The following DCLK2 variants were observed in gnomAD, a reference collection of about 807,000 sequenced individuals.
The protein encoded by DCLK2 is serine/threonine-protein kinase DCLK2.
DCLK2 carries 31 observed loss-of-function variants against 78.4 expected under a neutral mutation model. The ratio of observed to expected loss-of-function variants is 0.40; its 90% CI spans 0.30 to 0.53. The LOEUF is 0.53. Among genes scored for constraint, DCLK2 ranks in the 20% least tolerant of loss-of-function variants. The pLI, the probability that DCLK2 is intolerant of heterozygous loss-of-function variation, is 0.61. For synonymous variants in DCLK2, 407 were observed against 374.9 expected, an observed-to-expected ratio of 1.09 and a Z score of -0.99; for missense variants, 872 against 973.7, an observed-to-expected ratio of 0.90 and a Z score of 1.39.
Position 150,154,799 on chromosome 4 carries a change from A to G in DCLK2, c.757-38339A>G, listed in dbSNP as rs1266499796. 3.3e-5 allele frequency among the ~76,000 whole-genome samples: 5 copies of G among 152,220 alleles called. No homozygotes were observed. In the East Asian group the frequency reaches 9.6e-4, roughly 29 times the overall value. On this transcript the variant is annotated intron_variant, in intron 2 of 15. Coordinates refer to ENST00000296550, the MANE Select transcript of DCLK2 (RefSeq NM_001040260.4). ...TTACTGGAGTATAATTTTATATGCA[A>G]TAAAATGTACCAATTTTTACTGCAC... is the stretch of plus-strand genomic sequence containing the variant.
intron 12 of DCLK2, among the ~76,000 whole-genome samples, chr4:150,245,627 T>C (rs1462092132): frequency 2.6e-5 from 4 of 152,196 alleles, no homozygotes; most frequent in African/African-American, 9.7e-5. Context: ...GTTTGGTTTT[T>C]TGTCCTTGCG....
At position 150,232,399 on chromosome 4, in the gene DCLK2, G is replaced by A; in HGVS notation, c.1362G>A (p.Met454Ile). ...GAGTGAAACATCCCAATATCATTAT[G>A]CTGGTCGAGGAGATGGAAACAGCAA... The part of the protein sequence containing the change: ...LRRVKHPNII[M>I]LVEEMETATE... Residue 454 changes from methionine (M) to isoleucine (I), a missense_variant, in exon 9 of 16, where the codon ATG (methionine) becomes ATA (isoleucine). Around this residue, in one of 3 missense-constraint regions of DCLK2, gnomAD observed 567 missense variants for 593.4 expected, o/e 0.96. Transcript: ENST00000296550. 1.9e-6 allele frequency: 3 copies of A among 1,614,152 alleles called. No individual in the cohort carries two copies. Among genetic ancestry groups the A allele is most frequent in the Non-Finnish European group, 2.5e-6 (3 of 1,180,010 alleles).
intron 7 of DCLK2, among the ~76,000 whole-genome samples, chr4:150,223,158 A>G (rs1186911709): frequency 6.6e-6 from 1 of 152,192 alleles, no homozygotes; most frequent in Non-Finnish European, 1.5e-5. Context: ...CCCAGTTCTT[A>G]TACACAGACT....
At chr4:150,252,857 G>A (rs1455177159) in intron 15 of DCLK2, among the ~76,000 whole-genome samples, 3 of 152,130 alleles carry the variant, frequency 2.0e-5, no homozygotes, top group African/African-American at 7.2e-5. Context: ...TAGCTCAGAG[G>A]AACTGCTGAT....
intron 8 of DCLK2, among the ~76,000 whole-genome samples, 182 bp from the exon 9 acceptor site, chr4:150,232,155 A>G (rs1340429560): frequency 2.0e-5 from 3 of 152,172 alleles, no homozygotes; most frequent in Non-Finnish European, 4.4e-5. Flanking sequence ...TGTCAATAAT[A>G]TGTTCACACT....
At chr4:150,202,494 A>G (rs940358601) in intron 4 of DCLK2, among the ~76,000 whole-genome samples, 1 of 152,228 alleles carries the variant, frequency 6.6e-6, no homozygotes, top group Non-Finnish European at 1.5e-5. Context: ...ATAAACGCAG[A>G]TATTCCTGTT....
intron 2 of DCLK2, among the ~76,000 whole-genome samples, chr4:150,106,399 T>A (rs1045088279): frequency 2.0e-5 from 3 of 152,162 alleles, no homozygotes; most frequent in Non-Finnish European, 2.9e-5. Flanking sequence ...CAATTCTACA[T>A]GTATGTAAAA....
intron 12 of DCLK2, among the ~76,000 whole-genome samples, chr4:150,242,113 T>C (rs979216764): frequency 6.6e-6 from 1 of 152,220 alleles, no homozygotes; most frequent in African/African-American, 2.4e-5. Flanking sequence ...GTTTTCCCAT[T>C]GCGTTGAACA....
chr4:150,122,395 C>T (rs967660157), intron 2 of DCLK2, among the ~76,000 whole-genome samples: 2 of 152,156 alleles, frequency 1.3e-5, no homozygotes, highest in East Asian at 1.9e-4. Flanking sequence ...AGCAAATGCA[C>T]ATATACACCA....
chr4:150,198,928 T>G, intron 4 of DCLK2: 8 of 365,566 alleles, frequency 2.2e-5, no homozygotes, highest in East Asian at 8.4e-5. Flanking sequence ...CCCCACTTTC[T>G]GTAGGGCAGG....
At chr4:150,248,568 C>T (rs1358527390) in intron 14 of DCLK2, among the ~76,000 whole-genome samples, 183 bp downstream of exon 14, 1 of 152,182 alleles carries the variant, frequency 6.6e-6, no homozygotes, top group Non-Finnish European at 1.5e-5. Flanking sequence ...CACTAGGGTC[C>T]CAGTCTTAGA....
chr4:150,192,391 A>G (rs982562657), intron 2 of DCLK2, among the ~76,000 whole-genome samples: 4 of 150,658 alleles, frequency 2.7e-5, no homozygotes, highest in African/African-American at 9.8e-5. Context: ...GAGACAGGAG[A>G]ATCATTTGAA....
intron 2 of DCLK2, among the ~76,000 whole-genome samples, chr4:150,129,591 G>A (rs535427403): frequency 2.8e-4 from 43 of 151,802 alleles, no homozygotes; most frequent in South Asian, 8.3e-4. Context: ...GTGGTGGCAC[G>A]TGCCTGTAGT....
intron 2 of DCLK2, among the ~76,000 whole-genome samples, chr4:150,159,602 C>G (rs1735559850): frequency 6.6e-6 from 1 of 152,206 alleles, no homozygotes; most frequent in Non-Finnish European, 1.5e-5. Context: ...AACATTTGAC[C>G]TCTTCTTTGA....
chr4:150,177,145 T>C (rs1255287925), intron 2 of DCLK2, among the ~76,000 whole-genome samples: 1 of 152,212 alleles, frequency 6.6e-6, no homozygotes, highest in South Asian at 2.1e-4. Context: ...AAATCTCATA[T>C]GATTTTGTTT....
At chr4:150,107,378 GTTT>G (rs201080236) in intron 2 of DCLK2, among the ~76,000 whole-genome samples, 1 of 125,178 alleles carries the variant, frequency 8.0e-6, no homozygotes, top group Non-Finnish European at 1.6e-5. Flanking sequence ...TTTGGTTATT[GTTT>G]TTTTTTTTTT....
chr4:150,227,979 T>A (rs1214117884), intron 8 of DCLK2, among the ~76,000 whole-genome samples: 1 of 152,184 alleles, frequency 6.6e-6, no homozygotes, highest in Admixed American at 6.5e-5. Context: ...CCATGCTTCC[T>A]TTGGGGGTTT....
Position 150,079,180 on chromosome 4 carries a change from T to C in DCLK2, c.153T>C (p.Ser51=). 1.2e-6 allele frequency: 2 copies of C among 1,610,900 alleles called. No homozygotes were observed. The highest frequency in any genetic ancestry group is 2.2e-5 in the East Asian group (1 of 44,804). Reference sequence around the variant, plus strand: ...GGCTCATCCCCAGTCCGGCGCACAGTGCCCACTGCAGCTTCTACCGCACGC... The same window carrying C: ...GGCTCATCCCCAGTCCGGCGCACAGCGCCCACTGCAGCTTCTACCGCACGC... ...GNGLIPSPAH[S]AHCSFYRTRT... Residue 51 remains serine (S), a synonymous_variant, in exon 1 of 16, where the codon AGT becomes AGC. Coordinates refer to ENST00000296550, the MANE Select transcript of DCLK2 (RefSeq NM_001040260.4).
chr4:150,150,175 C>T (rs1323284819), intron 2 of DCLK2, among the ~76,000 whole-genome samples: 2 of 152,072 alleles, frequency 1.3e-5, no homozygotes, highest in East Asian at 1.9e-4. Flanking sequence ...CATATTCTTG[C>T]CATTTCAGAA....
Sources: allele counts gnomAD v4.1 joint callset (sites outside exome capture counted in the v4.1 genomes callset), GRCh38; gene constraint gnomAD v4.1.1; regional missense constraint gnomAD v4.1.1; transcripts MANE v1.5; gene names NCBI Gene and HGNC (gene_info 2026-07-23, HGNC 2026-07-21).